ZNF469: variants seen among roughly 807,000 people sequenced by gnomAD.
ZNF469 encodes zinc finger protein 469.
In ZNF469, 1 loss-of-function variant was observed where a neutral mutation model predicts 1.0. That is an observed-to-expected ratio of 1.00 (90% CI 0.35 to 4.73). ZNF469 has a LOEUF of 4.73. ZNF469 is among the 30% of genes most tolerant of loss of function. The pLI, the probability that ZNF469 is intolerant of heterozygous loss-of-function variation, is 0.16. For synonymous variants in ZNF469, 2,703 were observed against 2,363.4 expected, an observed-to-expected ratio of 1.14 and a Z score of -4.17; for missense variants, 6,100 against 5,356.3, an observed-to-expected ratio of 1.14 and a Z score of -4.33.
At chr16:88,160,175 G>T in the ZNF469 span, among the ~76,000 whole-genome samples, 1 of 152,234 alleles carries the variant, frequency 6.6e-6, no homozygotes, top group Non-Finnish European at 1.5e-5. Flanking sequence ...ATTGCGACAA[G>T]GAAGGAGACT....
At chr16:88,367,183 T>C in the ZNF469 span, among the ~76,000 whole-genome samples, 1 of 152,330 alleles carries the variant, frequency 6.6e-6, no homozygotes, top group Non-Finnish European at 1.5e-5. Context: ...AATAGCCTAT[T>C]GAGCTCCAAC....
intron 1 of ZNF469, among the ~76,000 whole-genome samples, chr16:88,391,129 G>A (rs148597619): frequency 4.6e-5 from 7 of 152,346 alleles, no homozygotes; most frequent in Non-Finnish European, 1.0e-4. Flanking sequence ...CTGCTGCCCG[G>A]GAGACTGTGG....
chr16:88,437,218 G>A lies in ZNF469; in HGVS notation c.9748G>A (p.Gly3250Arg). 5.8e-6 allele frequency: 9 copies of A among 1,549,382 alleles called. No homozygotes were observed. Among genetic ancestry groups the A allele is most frequent in the South Asian group, 1.2e-5 (1 of 84,018 alleles). The change falls in exon 3 of 3, where the codon GGG becomes AGG. Residue 3250 changes from glycine to arginine, a missense_variant. By Grantham distance (125) the Gly-to-Arg change is moderately radical (BLOSUM62 -2). Transcript: ENST00000565624. ...RGKRSAGKAA[G>R]SPGDPWGQEG... ...CAAGCGCTCCGCCGGCAAGGCCGCC[G>A]GGAGCCCGGGAGACCCGTGGGGGCA...
the ZNF469 span, among the ~76,000 whole-genome samples, chr16:88,307,098 C>T: frequency 6.6e-6 from 1 of 152,210 alleles, no homozygotes; most frequent in Non-Finnish European, 1.5e-5. Context: ...TGGGATCATA[C>T]CACACATGGC....
the ZNF469 span, among the ~76,000 whole-genome samples, chr16:88,325,528 ATG>A: frequency 6.6e-6 from 1 of 152,234 alleles, no homozygotes; most frequent in Admixed American, 6.5e-5. Flanking sequence ...CAGGGGCACT[ATG>A]TGTGGTGGCG....
rs557364171 is a variant in ZNF469 at position 88,436,684 on chromosome 16, G to A, written c.9214G>A (p.Gly3072Ser). The stretch of plus-strand genomic sequence containing the variant: ...CTTTGAAGACCCCGTGGGTCTCCCC[G>A]GCCCCAGCTTCTTAGACTTCGAGGG... ...GPFEDPVGLP[G>S]PSFLDFEGTA... Residue 3072 changes from glycine to serine, a missense_variant, in exon 3 of 3, where the codon GGC (glycine) becomes AGC (serine). Physicochemically the swap from Gly to Ser is moderately conservative, Grantham distance 56. Coordinates refer to ENST00000565624, the MANE Select transcript of ZNF469 (RefSeq NM_001367624.2). The A allele has an allele frequency of 5.1e-5, 79 of 1,550,214 alleles. No individual in the cohort carries two copies. The East Asian group carries it at 1.1e-3, about 22-fold the overall frequency.
At chr16:88,226,723 G>A in the ZNF469 span, among the ~76,000 whole-genome samples, 9 of 151,446 alleles carry the variant, frequency 5.9e-5, no homozygotes, top group Admixed American at 2.6e-4. Context: ...AGGAGGGCCC[G>A]AAACAGGCCC....
chr16:88,241,950 G>A, the ZNF469 span, among the ~76,000 whole-genome samples: 1 of 152,220 alleles, frequency 6.6e-6, no homozygotes, highest in Non-Finnish European at 1.5e-5. This position sits in a 1 kb window ranked among gnomAD's most constrained non-coding sequence, Gnocchi z 4.8. Context: ...GCTGGAAGGC[G>A]CTGTTTCCCG....
At chr16:88,163,864 G>A in the ZNF469 span, among the ~76,000 whole-genome samples, 2 of 150,766 alleles carry the variant, frequency 1.3e-5, no homozygotes, top group South Asian at 2.1e-4. Context: ...GGATGGATAG[G>A]TAGGTAAGTG....
the ZNF469 span, among the ~76,000 whole-genome samples, chr16:88,184,419 A>G: frequency 6.6e-6 from 1 of 151,942 alleles, no homozygotes; most frequent in African/African-American, 2.4e-5. Flanking sequence ...TGAGAAGGCT[A>G]TTTTAGCAAA....
In ZNF469 at chr16:88,398,677, C is replaced by T. The variant is rs1904768916; in HGVS notation, c.-192+15423C>T. On this transcript the variant is annotated intron_variant, in intron 1 of 2. Transcript: ENST00000565624. ...GGTGTGAGCCACAGATGAGGGGACA[C>T]GTGAGCCACAGGTGGAAAGGGCATG... Among the ~76,000 whole-genome samples, 5 of 151,264 alleles carry T rather than the reference C, an allele frequency of 3.3e-5. No homozygotes were observed. The South Asian group carries it at 8.3e-4, about 25-fold the overall frequency.
intron 1 of ZNF469, among the ~76,000 whole-genome samples, chr16:88,384,497 A>G (rs1374392842): frequency 1.3e-5 from 2 of 152,232 alleles, no homozygotes; most frequent in Non-Finnish European, 2.9e-5. Flanking sequence ...AAGGGCAGCC[A>G]GGCACCCTCG....
chr16:88,319,743 G>A, the ZNF469 span, among the ~76,000 whole-genome samples: 5 of 152,216 alleles, frequency 3.3e-5, no homozygotes, highest in Non-Finnish European at 5.9e-5. Flanking sequence ...GACACGCTGA[G>A]TGGTCAGGAG....
chr16:88,174,476 G>GTCTGTCTATCTATCTATCTATCTA, the ZNF469 span, among the ~76,000 whole-genome samples: 3 of 101,580 alleles, frequency 3.0e-5, no homozygotes, highest in Admixed American at 1.1e-4. Context: ...CTGTCTGTCT[G>GTCTGTCTATCTATCTATCTATCTA]TCTATCTATC....
At chr16:88,393,624 G>C (rs546115876) in intron 1 of ZNF469, among the ~76,000 whole-genome samples, 3 of 152,170 alleles carry the variant, frequency 2.0e-5, no homozygotes, top group Non-Finnish European at 4.4e-5. Context: ...GGAGGGGTTC[G>C]GGTGGGGGTC....
chr16:88,142,295 C>T, the ZNF469 span, among the ~76,000 whole-genome samples: 11 of 152,242 alleles, frequency 7.2e-5, no homozygotes, highest in Non-Finnish European at 1.3e-4. Context: ...TCAGCCACAG[C>T]CCTGCCCTGC....
In ZNF469 at chr16:88,427,998, A is replaced by G; in HGVS notation, c.528A>G (p.Glu176=). 1.3e-6 allele frequency: 2 copies of G among 1,549,970 alleles called. No homozygotes were observed. Among genetic ancestry groups the G allele is most frequent in the South Asian group, 2.4e-5 (2 of 84,060 alleles). ...LPRTEAQPAA[E]ELGFHRCFQE... ...GGACTGAGGCCCAACCCGCCGCCGA[A>G]GAGCTTGGCTTCCACAGGTGCTTCC... Residue 176 remains glutamate (E), a synonymous_variant, in exon 3 of 3, where the codon GAA becomes GAG. Coordinates refer to ENST00000565624, the MANE Select transcript of ZNF469 (RefSeq NM_001367624.2).
chr16:88,243,443 T>C, the ZNF469 span, among the ~76,000 whole-genome samples: 1 of 152,172 alleles, frequency 6.6e-6, no homozygotes, highest in Non-Finnish European at 1.5e-5. Context: ...GCACAGAGCG[T>C]CCATCAGTTG....
chr16:88,122,311 ACT>A, the ZNF469 span, among the ~76,000 whole-genome samples: 2 of 150,572 alleles, frequency 1.3e-5, no homozygotes, highest in African/African-American at 4.9e-5. Flanking sequence ...CTTGGATCAC[ACT>A]CTGTCACTTG....
Sources: gnomAD v4.1 joint callset for allele counts (sites outside exome capture counted in the v4.1 genomes callset) on GRCh38, gnomAD v4.1.1 for gene constraint, Gnocchi (gnomAD v3.1) non-coding constraint, MANE v1.5 for transcripts, NCBI Gene and HGNC (gene_info 2026-07-23, HGNC 2026-07-21) for gene names.